IRAK2: variants seen among roughly 807,000 people sequenced by gnomAD.
IRAK2 encodes the protein interleukin-1 receptor-associated kinase-like 2.
IRAK2 carries 57 observed loss-of-function variants against 72.0 expected under a neutral mutation model. The observed-to-expected ratio is 0.79, with a 90% CI of 0.64 to 0.99. The LOEUF is 0.99. IRAK2 is among the 50% of genes least tolerant of loss of function. IRAK2 has a pLI of 0.00. For synonymous variants in IRAK2, 293 were observed against 312.7 expected (o/e 0.94, Z 0.67); for missense variants, 790 against 794.4 (o/e 0.99, Z 0.07).
intron 9 of IRAK2, 137 bp downstream of exon 9, chr3:10,222,968 C>T (rs111629065): frequency 2.7e-6 from 2 of 737,216 alleles, no homozygotes; most frequent in African/African-American, 1.8e-5. Flanking sequence ...AAACTGTGGC[C>T]CACAGGCCAC....
chr3:10,234,927 C>A (rs1233985198), intron 11 of IRAK2, among the ~76,000 whole-genome samples: 2 of 152,218 alleles, frequency 1.3e-5, no homozygotes, highest in Non-Finnish European at 2.9e-5. Flanking sequence ...CGGCTTTATT[C>A]CCCCTTCTCT....
At chr3:10,210,372 C>A (rs568176465) in intron 4 of IRAK2, among the ~76,000 whole-genome samples, 1 of 151,830 alleles carries the variant, frequency 6.6e-6, no homozygotes, top group African/African-American at 2.4e-5. Context: ...CAGAGTGAGA[C>A]CCTGTCTCCA....
rs61019391 is a variant in IRAK2 at position 10,241,566 on chromosome 3, G to GATAAATAAATAAATAAATAAATAA, written c.1766-547_1766-524dup. On this transcript the variant is annotated intron_variant, in intron 12 of 12. Coordinates refer to ENST00000256458, the MANE Select transcript of IRAK2 (RefSeq NM_001570.4). Reference sequence around the variant, plus strand: ...AGAGTGAGACTCCATCTCAACAAATGATAAATAAATAAATAAATAAATAAA... The same window carrying GATAAATAAATAAATAAATAAATAA: ...AGAGTGAGACTCCATCTCAACAAATGATAAATAAATAAATAAATAAATAAATAAATAAATAAATAAATAAATAAA... 1.2e-4 allele frequency among the ~76,000 whole-genome samples: 16 copies of GATAAATAAATAAATAAATAAATAA among 131,836 alleles called. No individual in the cohort carries two copies. The East Asian group carries it at 1.2e-3, about 10-fold the overall frequency. 86.5% of individuals were successfully genotyped at this position (131,836 alleles called of 152,430 possible). A position where few individuals can be genotyped will look rare whatever the true frequency, so the allele number is the denominator to read the frequency against.
intron 3 of IRAK2, among the ~76,000 whole-genome samples, chr3:10,203,199 G>A (rs978769325): frequency 6.6e-6 from 1 of 151,880 alleles, no homozygotes; most frequent in Non-Finnish European, 1.5e-5. Context: ...GTTTCGCTGT[G>A]TTGCACAGGC....
intron 2 of IRAK2, among the ~76,000 whole-genome samples, chr3:10,190,034 T>C (rs866096644): frequency 2.0e-5 from 3 of 151,762 alleles, no homozygotes; most frequent in African/African-American, 7.3e-5. Flanking sequence ...ACTCTTATTA[T>C]CCCTATTTTA....
At chr3:10,226,659 C>T (rs1697781382) in intron 10 of IRAK2, among the ~76,000 whole-genome samples, 1 of 152,014 alleles carries the variant, frequency 6.6e-6, no homozygotes, top group Admixed American at 6.6e-5. Flanking sequence ...TGGCTCATGC[C>T]TGTGATCACA....
chr3:10,241,409 A>C (rs1179068886), intron 12 of IRAK2, among the ~76,000 whole-genome samples: 3 of 150,700 alleles, frequency 2.0e-5, no homozygotes, highest in African/African-American at 7.3e-5. Context: ...AATACAAAAA[A>C]TTAGTTGGGC....
chr3:10,190,583 CAG>C (rs1697159970), intron 2 of IRAK2, among the ~76,000 whole-genome samples: 2 of 152,074 alleles, frequency 1.3e-5, no homozygotes, highest in Non-Finnish European at 1.5e-5. Context: ...TTAGAATGAA[CAG>C]AGTGTGGAAT....
At chr3:10,214,510 T>G (rs1399621185) in intron 6 of IRAK2, among the ~76,000 whole-genome samples, 1 of 146,170 alleles carries the variant, frequency 6.8e-6, no homozygotes, top group Non-Finnish European at 1.5e-5. Context: ...GGATTATAGG[T>G]GTGAGCCACT....
chr3:10,226,664 A>G (rs1158694123), intron 10 of IRAK2, among the ~76,000 whole-genome samples: 1 of 152,102 alleles, frequency 6.6e-6, no homozygotes, highest in Non-Finnish European at 1.5e-5. Flanking sequence ...CATGCCTGTG[A>G]TCACAGCCTT....
At chr3:10,204,629 A>G (rs1697409667) in intron 3 of IRAK2, among the ~76,000 whole-genome samples, 1 of 152,152 alleles carries the variant, frequency 6.6e-6, no homozygotes, top group African/African-American at 2.4e-5. Context: ...GGCGCCTGTA[A>G]TCCCAGCTAC....
chr3:10,204,094 C>G (rs1386668336), intron 3 of IRAK2, among the ~76,000 whole-genome samples: 1 of 152,244 alleles, frequency 6.6e-6, no homozygotes, highest in African/African-American at 2.4e-5. Flanking sequence ...TTTACTTACT[C>G]TACACATAGT....
intron 2 of IRAK2, among the ~76,000 whole-genome samples, chr3:10,179,282 T>TC (rs1038872688): frequency 6.6e-6 from 1 of 151,614 alleles, no homozygotes; most frequent in African/African-American, 2.4e-5. Flanking sequence ...GTTGTTTTTT[T>TC]TTTTTTTGAG....
intron 1 of IRAK2, among the ~76,000 whole-genome samples, chr3:10,172,537 CAAAAAAAAAA>C (rs71055803): frequency 8.6e-5 from 3 of 34,928 alleles, no homozygotes; most frequent in African/African-American, 2.4e-4. Flanking sequence ...AACTCCGACT[CAAAAAAAAAA>C]AAAAAAAAAA....
intron 10 of IRAK2, among the ~76,000 whole-genome samples, chr3:10,232,720 T>A (rs1697878941): frequency 6.6e-6 from 1 of 151,882 alleles, no homozygotes. Context: ...ATAATACACT[T>A]CTACTGTTCT....
At chr3:10,166,554 C>G (rs1434613741) in intron 1 of IRAK2, among the ~76,000 whole-genome samples, 1 of 152,164 alleles carries the variant, frequency 6.6e-6, no homozygotes, top group Non-Finnish European at 1.5e-5. Context: ...ATTATAGCTT[C>G]TTCATAAAGT....
intron 2 of IRAK2, among the ~76,000 whole-genome samples, chr3:10,178,223 T>C (rs985186567): frequency 1.5e-4 from 23 of 152,194 alleles, no homozygotes; most frequent in African/African-American, 5.5e-4. Context: ...TTCCGGAGGC[T>C]GAGGTAGGTG....
At chr3:10,223,059 A>T (rs1260558371) in intron 9 of IRAK2, among the ~76,000 whole-genome samples, 1 of 152,242 alleles carries the variant, frequency 6.6e-6, no homozygotes, top group East Asian at 1.9e-4. Context: ...TTAAACACAA[A>T]GAATATGTGA....
intron 9 of IRAK2, among the ~76,000 whole-genome samples, chr3:10,224,655 C>G (rs1375291454): frequency 1.4e-5 from 2 of 147,596 alleles, no homozygotes; most frequent in African/African-American, 5.0e-5. Context: ...AGATGACTTC[C>G]TCATCCATCC....
Sources: gnomAD v4.1 joint callset for allele counts (sites outside exome capture counted in the v4.1 genomes callset) on GRCh38, gnomAD v4.1.1 for gene constraint, MANE v1.5 for transcripts, NCBI Gene and HGNC (gene_info 2026-07-23, HGNC 2026-07-21) for gene names.